Variants in LNPEP observed in about 807,000 individuals in gnomAD.
The protein encoded by LNPEP is leucyl-cystinyl aminopeptidase.
Under a neutral mutation model 120.6 loss-of-function variants are expected in LNPEP, and 64 were observed. The observed-to-expected ratio is 0.53, with a 90% CI of 0.43 to 0.65. LNPEP has a LOEUF of 0.65. Ranked by LOEUF, LNPEP falls within the 30% of genes least tolerant of loss-of-function variation. The pLI is 0.00. For synonymous variants in LNPEP, 435 were observed against 425.4 expected (o/e 1.02, Z -0.28); for missense variants, 1,057 against 1,200.0 (o/e 0.88, Z 1.76).
intron 15 of LNPEP, 72 bp downstream of exon 15, chr5:97,024,754 T>A: frequency 1.4e-6 from 2 of 1,411,894 alleles, no homozygotes; most frequent in East Asian, 2.3e-5. Context: ...GGTCAGGAGC[T>A]CATTTTTGAG....
At chr5:96,999,277 G>A (rs1790589543) in intron 8 of LNPEP, among the ~76,000 whole-genome samples, 1 of 152,118 alleles carries the variant, frequency 6.6e-6, no homozygotes, top group South Asian at 2.1e-4. Context: ...GGCATGAAAT[G>A]GTAAAAGTTT....
At chr5:97,015,888 C>T (rs1416928081) in intron 13 of LNPEP, among the ~76,000 whole-genome samples, 1 of 151,956 alleles carries the variant, frequency 6.6e-6, no homozygotes, top group Non-Finnish European at 1.5e-5. Context: ...TGGATTAAAT[C>T]ATTTTTTTAA....
intron 13 of LNPEP, among the ~76,000 whole-genome samples, chr5:97,017,674 AT>A (rs1459388225): frequency 1.3e-5 from 2 of 152,120 alleles, no homozygotes; most frequent in African/African-American, 4.8e-5. Context: ...ATTTTATTGC[AT>A]AGAATTATGT....
intron 1 of LNPEP, among the ~76,000 whole-genome samples, chr5:96,951,904 T>C (rs1220977524): frequency 6.6e-6 from 1 of 152,206 alleles, no homozygotes; most frequent in Middle Eastern, 3.2e-3. Context: ...TAAACTTGCA[T>C]GTTTGGATCA....
chr5:96,975,055 C>T (rs74882893), intron 1 of LNPEP, among the ~76,000 whole-genome samples: 2,121 of 152,216 alleles, frequency 0.014, 51 homozygotes, highest in African/African-American at 0.048. Context: ...TCTAAACCCA[C>T]GTAACATAAT....
intron 1 of LNPEP, among the ~76,000 whole-genome samples, chr5:96,964,895 A>C (rs560452391): frequency 6.6e-6 from 1 of 152,178 alleles, no homozygotes; most frequent in Non-Finnish European, 1.5e-5. Context: ...ACAAATCAAA[A>C]TGTATAAACT....
chr5:97,008,182 GC>G (rs1446655308), intron 11 of LNPEP, among the ~76,000 whole-genome samples: 1 of 151,966 alleles, frequency 6.6e-6, no homozygotes, highest in East Asian at 1.9e-4. Context: ...CTAAAACATG[GC>G]TGGAGTATTT....
chr5:96,976,542 T>C (rs1318068406), intron 1 of LNPEP, among the ~76,000 whole-genome samples: 2 of 152,108 alleles, frequency 1.3e-5, no homozygotes. Context: ...GGGACAGAAT[T>C]GAGAGATTGG....
chr5:96,970,692 C>T (rs1581993348), intron 1 of LNPEP, among the ~76,000 whole-genome samples: 1 of 151,968 alleles, frequency 6.6e-6, no homozygotes, highest in South Asian at 2.1e-4. Context: ...TTTTTAAAAT[C>T]ACTTTTTCAG....
chr5:97,014,666 A>G (rs1388200073), intron 12 of LNPEP, among the ~76,000 whole-genome samples: 1 of 152,142 alleles, frequency 6.6e-6, no homozygotes, highest in Non-Finnish European at 1.5e-5. Context: ...AAGATATTAT[A>G]CTTTTGCTGA....
At chr5:97,002,596 C>G (rs908769133) in intron 8 of LNPEP, among the ~76,000 whole-genome samples, 1 of 152,170 alleles carries the variant, frequency 6.6e-6, no homozygotes, top group Non-Finnish European at 1.5e-5. Flanking sequence ...TCAAAAACTA[C>G]TAGAGTGCCT....
In LNPEP at chr5:97,028,773, A is replaced by G. The variant is rs1345361104; in HGVS notation, c.*240A>G. The stretch of plus-strand genomic sequence containing the variant: ...ACCTAAATGCCAACCATCTACAAAA[A>G]CAATGAGTAATTTTTCTACTTTGAA... On this transcript the variant is annotated 3_prime_UTR_variant, in exon 18 of 18. Coordinates refer to ENST00000231368, the MANE Select transcript of LNPEP (RefSeq NM_005575.3). 1 of 348,952 alleles carries G rather than the reference A, an allele frequency of 2.9e-6. No homozygotes were observed. The highest frequency in any genetic ancestry group is 5.3e-6 in the Non-Finnish European group (1 of 189,738). 21.6% of individuals were successfully genotyped at this position (348,952 alleles called of 1,614,324 possible).
At chr5:96,984,115 G>A (rs1198183985) in intron 2 of LNPEP, among the ~76,000 whole-genome samples, 1 of 152,116 alleles carries the variant, frequency 6.6e-6, no homozygotes, top group East Asian at 1.9e-4. Flanking sequence ...CAAACTGAGG[G>A]TCAGGCTGCT....
At chr5:96,942,143 TCA>T (rs1789068114) in intron 1 of LNPEP, among the ~76,000 whole-genome samples, 1 of 152,150 alleles carries the variant, frequency 6.6e-6, no homozygotes, top group Non-Finnish European at 1.5e-5. Flanking sequence ...TTTTTTATAG[TCA>T]GAAAATTCAG....
At chr5:97,019,016 A>G (rs1319495415) in intron 13 of LNPEP, among the ~76,000 whole-genome samples, 3 of 152,168 alleles carry the variant, frequency 2.0e-5, no homozygotes, top group Admixed American at 2.0e-4. Flanking sequence ...AAAAACTGAC[A>G]TTTCACTTTT....
intron 1 of LNPEP, among the ~76,000 whole-genome samples, chr5:96,938,767 A>G (rs143750201): frequency 6.6e-6 from 1 of 152,292 alleles, no homozygotes; most frequent in African/African-American, 2.4e-5. Flanking sequence ...AGTGCTAGGA[A>G]TTCCCATTTA....
chr5:97,006,017 A>G (rs1458504795), intron 9 of LNPEP, 56 bp from the exon 10 acceptor site: 1 of 574,530 alleles, frequency 1.7e-6, no homozygotes, highest in Non-Finnish European at 2.4e-6. Flanking sequence ...AAATTTTTTA[A>G]ACCAATTTTT....
intron 1 of LNPEP, among the ~76,000 whole-genome samples, chr5:96,954,961 T>A (rs1246892975): frequency 6.7e-6 from 1 of 149,206 alleles, no homozygotes; most frequent in Non-Finnish European, 1.5e-5. Flanking sequence ...TTTTTGTATT[T>A]TTAGTAGAGA....
chr5:96,969,400 A>G (rs1217771895), intron 1 of LNPEP, among the ~76,000 whole-genome samples: 1 of 152,044 alleles, frequency 6.6e-6, no homozygotes, highest in Non-Finnish European at 1.5e-5. Flanking sequence ...TATTTTTCTA[A>G]ATTTGGGCAT....
Sources: allele counts gnomAD v4.1 joint callset (sites outside exome capture counted in the v4.1 genomes callset), GRCh38; gene constraint gnomAD v4.1.1; transcripts MANE v1.5; gene names NCBI Gene and HGNC (gene_info 2026-07-23, HGNC 2026-07-21).